MCPH1: variants seen among roughly 807,000 people sequenced by gnomAD.
MCPH1 encodes microcephalin 1.
Under a neutral mutation model 84.5 loss-of-function variants are expected in MCPH1, and 104 were observed. The observed-to-expected ratio is 1.23, with a 90% confidence interval of 1.05 to 1.45. The LOEUF is 1.45. MCPH1 is among the 40% of genes most tolerant of loss of function. The pLI is 0.00. For synonymous variants in MCPH1, 514 were observed against 366.8 expected, an observed-to-expected ratio of 1.40 and a Z score of -4.58; for missense variants, 1,498 against 1,005.7, an observed-to-expected ratio of 1.49 and a Z score of -6.62.
chr8:6,412,054 C>T (rs1798612934), intron 2 of MCPH1, among the ~76,000 whole-genome samples: 1 of 152,154 alleles, frequency 6.6e-6, no homozygotes, highest in Non-Finnish European at 1.5e-5. Flanking sequence ...GGGTATAAAA[C>T]TTAAGAGGCG....
chr8:6,521,083 G>A (rs1252919936), intron 12 of MCPH1: 2 of 849,008 alleles, frequency 2.4e-6, no homozygotes, highest in East Asian at 2.5e-5. Context: ...ATGAGAAATA[G>A]CGCCTTTTCT....
At chr8:6,594,992 C>G (rs912517671) in intron 12 of MCPH1, among the ~76,000 whole-genome samples, 4 of 152,070 alleles carry the variant, frequency 2.6e-5, no homozygotes, top group South Asian at 2.1e-4. Context: ...ATGTATTAAC[C>G]AAGAACCTCT....
intron 3 of MCPH1, among the ~76,000 whole-genome samples, chr8:6,424,359 G>A (rs533843759): frequency 8.5e-5 from 13 of 152,268 alleles, no homozygotes; most frequent in African/African-American, 2.2e-4. Context: ...GTTGCTGACC[G>A]AAGGCCATCA....
At chr8:6,624,555 G>A (rs1017850032) in intron 13 of MCPH1, among the ~76,000 whole-genome samples, 2 of 152,066 alleles carry the variant, frequency 1.3e-5, no homozygotes, top group African/African-American at 4.8e-5. Flanking sequence ...TTCTCTTTGT[G>A]AAGTGAATTC....
At chr8:6,541,047 T>A (rs901055628) in intron 12 of MCPH1, among the ~76,000 whole-genome samples, 3 of 151,980 alleles carry the variant, frequency 2.0e-5, no homozygotes, top group African/African-American at 7.2e-5. Flanking sequence ...GAGGCTCTCA[T>A]GGGTGTCCCG....
intron 8 of MCPH1, among the ~76,000 whole-genome samples, chr8:6,451,585 G>T (rs559369518): frequency 6.6e-6 from 1 of 152,232 alleles, no homozygotes; most frequent in South Asian, 2.1e-4. Flanking sequence ...TTTTCAGAAT[G>T]AACAAAGTGA....
At chr8:6,470,754 T>C (rs767314270) in intron 9 of MCPH1, among the ~76,000 whole-genome samples, 8 of 152,274 alleles carry the variant, frequency 5.3e-5, no homozygotes, top group Non-Finnish European at 8.8e-5. Context: ...AATCAGAGGC[T>C]GTACTTCACT....
At chr8:6,500,284 T>C in intron 12 of MCPH1, 1 of 224,394 alleles carries the variant, frequency 4.5e-6, no homozygotes, top group Non-Finnish European at 9.0e-6. Context: ...GGTATAAAGA[T>C]TATGGCTTGC....
intron 9 of MCPH1, among the ~76,000 whole-genome samples, chr8:6,475,342 A>C (rs1808307846): frequency 6.6e-6 from 1 of 152,238 alleles, no homozygotes; most frequent in Non-Finnish European, 1.5e-5. Context: ...TCTCTAAACC[A>C]GTATCAGGCA....
At chr8:6,637,237 GCAAA>G (rs1797621475) in intron 13 of MCPH1, among the ~76,000 whole-genome samples, 2 of 152,326 alleles carry the variant, frequency 1.3e-5, no homozygotes, top group Admixed American at 1.3e-4. Context: ...AAGACAGGCA[GCAAA>G]CAATTTCTTT....
At chr8:6,427,657 C>T (rs779534519) in intron 3 of MCPH1, among the ~76,000 whole-genome samples, 2 of 152,068 alleles carry the variant, frequency 1.3e-5, no homozygotes, top group Non-Finnish European at 2.9e-5. Flanking sequence ...TGGGATTACA[C>T]ATGGGAGTTA....
At chr8:6,636,784 C>CA (rs1270711525) in intron 13 of MCPH1, among the ~76,000 whole-genome samples, 1 of 152,140 alleles carries the variant, frequency 6.6e-6, no homozygotes, top group African/African-American at 2.4e-5. Context: ...TTGTCCATTC[C>CA]AAAAATGCCA....
intron 12 of MCPH1, among the ~76,000 whole-genome samples, chr8:6,607,177 C>G (rs1362115824): frequency 1.3e-5 from 2 of 152,156 alleles, no homozygotes; most frequent in East Asian, 1.9e-4. Flanking sequence ...TTATAAGATC[C>G]TCATTTGGGA....
Position 6,538,304 on chromosome 8 carries a change from A to G in MCPH1, c.2214+38375A>G, listed in dbSNP as rs183266032. 1.3e-4 allele frequency among the ~76,000 whole-genome samples: 20 copies of G among 152,212 alleles called. 1 individual carries two copies. The highest frequency in any genetic ancestry group is 1.3e-3 in the Admixed American group (20 of 15,286). ...CACACATACACGTTTTCTACCCCCC[A>G]TGATCCCATCTTCCCGCCCAGGGTC... On this transcript the variant is annotated intron_variant, in intron 12 of 13. Coordinates refer to ENST00000344683, the MANE Select transcript of MCPH1 (RefSeq NM_024596.5).
At chr8:6,634,645 T>C (rs1797410191) in intron 13 of MCPH1, among the ~76,000 whole-genome samples, 1 of 152,248 alleles carries the variant, frequency 6.6e-6, no homozygotes, top group African/African-American at 2.4e-5. Flanking sequence ...GGACATCTTT[T>C]CTGATCGGTT....
intron 12 of MCPH1, among the ~76,000 whole-genome samples, chr8:6,513,256 T>G (rs901870798): frequency 1.3e-5 from 2 of 152,216 alleles, no homozygotes; most frequent in African/African-American, 4.8e-5. Flanking sequence ...AGTTTAGATC[T>G]TGGTTAAATC....
intron 12 of MCPH1, among the ~76,000 whole-genome samples, chr8:6,603,315 C>T (rs147993029): frequency 6.6e-6 from 1 of 152,062 alleles, no homozygotes; most frequent in East Asian, 1.9e-4. Flanking sequence ...GGTGGAATGG[C>T]AATGGAATGC....
chr8:6,557,302 T>C (rs1329480203), intron 12 of MCPH1, among the ~76,000 whole-genome samples: 2 of 152,058 alleles, frequency 1.3e-5, no homozygotes, highest in Non-Finnish European at 2.9e-5. Context: ...TAAAAAAATA[T>C]ACAGGCTTGC....
intron 12 of MCPH1, among the ~76,000 whole-genome samples, chr8:6,587,356 A>G (rs1378997619): frequency 6.6e-6 from 1 of 152,076 alleles, no homozygotes. Flanking sequence ...GTTTTGTCTT[A>G]TTTCAGCTCA....
Sources: gnomAD v4.1 joint callset for allele counts (sites outside exome capture counted in the v4.1 genomes callset) on GRCh38, gnomAD v4.1.1 for gene constraint, MANE v1.5 for transcripts, NCBI Gene and HGNC (gene_info 2026-07-23, HGNC 2026-07-21) for gene names.